The following VPS13B variants were observed in gnomAD, a reference collection of about 807,000 sequenced individuals.
VPS13B encodes the protein vacuolar protein sorting 13 homolog B.
VPS13B carries 285 observed loss-of-function variants against 426.4 expected under a neutral mutation model. The ratio of observed to expected loss-of-function variants is 0.67; its 90% CI spans 0.61 to 0.74. VPS13B has a LOEUF of 0.74. VPS13B is among the 30% of genes least tolerant of loss of function. The pLI, the probability that VPS13B is intolerant of heterozygous loss-of-function variation, is 0.00. For synonymous variants in VPS13B, 1,676 were observed against 1,676.4 expected, an observed-to-expected ratio of 1.00 and a Z score of 0.01; for missense variants, 4,537 against 4,782.6, an observed-to-expected ratio of 0.95 and a Z score of 1.51.
intron 17 of VPS13B, among the ~76,000 whole-genome samples, chr8:99,267,658 C>T (rs1299367018): frequency 2.0e-5 from 3 of 151,366 alleles, no homozygotes; most frequent in Non-Finnish European, 4.4e-5. Flanking sequence ...ACCAGGGGGT[C>T]TGAGGTTGCA....
rs1391933981 is a variant in VPS13B at position 99,275,342 on chromosome 8, T to A, written c.2824+88T>A. 7 of 1,309,048 alleles carry A rather than the reference T, an allele frequency of 5.3e-6. No individual in the cohort carries two copies. In the African/African-American group the frequency reaches 6.2e-5, roughly 12 times the overall value. The allele number at this position is 1,309,048 out of a possible 1,614,324, so 81.1% of individuals were successfully genotyped here. The stretch of plus-strand genomic sequence containing the variant: ...CTTTTAAAATTGGTATATATTTTTT[T>A]TTTTTTAGGTATTTTTGTCAATTGG... On this transcript the variant is annotated intron_variant, in intron 19 of 61. Coordinates refer to ENST00000357162, the MANE Select transcript of VPS13B (RefSeq NM_152564.5).
At chr8:99,021,895 G>A (rs1345753746) in intron 2 of VPS13B, among the ~76,000 whole-genome samples, 1 of 152,144 alleles carries the variant, frequency 6.6e-6, no homozygotes, top group Non-Finnish European at 1.5e-5. Context: ...TTACAGGCGT[G>A]AGCCCCTTAT....
intron 39 of VPS13B, 143 bp downstream of exon 39, chr8:99,721,190 A>G (rs566747084): frequency 1.8e-4 from 153 of 836,178 alleles, no homozygotes; most frequent in Admixed American, 1.8e-3. Context: ...GTGTGTGTGT[A>G]TCCACACACA....
intron 33 of VPS13B, among the ~76,000 whole-genome samples, chr8:99,619,970 G>A (rs1828281105): frequency 6.6e-6 from 1 of 151,590 alleles, no homozygotes; most frequent in Non-Finnish European, 1.5e-5. Flanking sequence ...AAATATAGCT[G>A]TTATTAATGG....
At position 99,848,892 on chromosome 8, in the gene VPS13B, C is replaced by G. The variant is rs1816116104; in HGVS notation, c.10059C>G (p.Asn3353Lys). The G allele has an allele frequency of 1.2e-6, 2 of 1,612,708 alleles. No individual in the cohort carries two copies. Residue 3353 changes from asparagine to lysine, a missense_variant and splice_region_variant, in exon 55 of 62, where the codon AAC becomes AAG. By Grantham distance (94) the Asn-to-Lys change is moderately conservative. Coordinates refer to ENST00000357162, the MANE Select transcript of VPS13B (RefSeq NM_152564.5). The stretch of plus-strand genomic sequence containing the variant: ...CAGGACCTATTTTAACCAATACCAA[C>G]AGGTAGGTTTAATTATTTTCCCAGT... ...GKAGPILTNTNRAPEKIVTFK... is the reference protein window; with the variant it reads ...GKAGPILTNTKRAPEKIVTFK...
chr8:99,598,401 T>C (rs1827121860), intron 33 of VPS13B, among the ~76,000 whole-genome samples: 1 of 152,052 alleles, frequency 6.6e-6, no homozygotes, highest in Admixed American at 6.6e-5. Flanking sequence ...TTATTGATTA[T>C]ATAGAAGGGC....
intron 17 of VPS13B, among the ~76,000 whole-genome samples, chr8:99,257,881 T>C (rs191277105): frequency 2.0e-5 from 3 of 152,032 alleles, no homozygotes; most frequent in Admixed American, 2.0e-4. Context: ...GGGTTTACTA[T>C]AATATGACTT....
At chr8:99,339,289 CACAGTAGG>C (rs1811105797) in intron 19 of VPS13B, among the ~76,000 whole-genome samples, 1 of 151,946 alleles carries the variant, frequency 6.6e-6, no homozygotes, top group East Asian at 1.9e-4. Flanking sequence ...TTGATTGGCT[CACAGTAGG>C]CTGTACAGGA....
intron 39 of VPS13B, among the ~76,000 whole-genome samples, chr8:99,736,278 AAAT>A (rs753573719): frequency 1.2e-4 from 19 of 152,156 alleles, no homozygotes; most frequent in Non-Finnish European, 2.4e-4. Context: ...TTAGAGGTAA[AAAT>A]AACAGTTTAG....
intron 54 of VPS13B, among the ~76,000 whole-genome samples, chr8:99,836,069 C>A (rs1815375930): frequency 6.6e-6 from 1 of 152,092 alleles, no homozygotes; most frequent in Admixed American, 6.5e-5. Context: ...TTAGTACAGT[C>A]ATAATACAAA....
At chr8:99,301,977 TTAAC>T (rs1026859533) in intron 19 of VPS13B, among the ~76,000 whole-genome samples, 12 of 152,130 alleles carry the variant, frequency 7.9e-5, no homozygotes, top group African/African-American at 2.9e-4. Context: ...ATTTCTTACT[TTAAC>T]TAATTTTTTT....
chr8:99,785,993 G>A (rs1812244179), intron 43 of VPS13B, among the ~76,000 whole-genome samples: 1 of 152,194 alleles, frequency 6.6e-6, no homozygotes. Context: ...CAAAGCAGAG[G>A]AAGCTTAACT....
chr8:99,832,647 T>A lies in VPS13B; in HGVS notation c.9609T>A (p.Cys3203Ter), dbSNP rs533207610. 1 of 1,613,574 alleles carries A rather than the reference T, an allele frequency of 6.2e-7. No individual in the cohort carries two copies. The highest frequency in any genetic ancestry group is 1.1e-5 in the South Asian group (1 of 91,056). The change falls in exon 52 of 62, where the codon TGT becomes TGA. Residue 3203 changes from cysteine (C) to a stop codon, truncating the protein, a stop_gained. Transcript: ENST00000357162. LOFTEE classifies it high-confidence loss of function. ...GGAATTTCCGGGAAAATGGATTCTGTACCAGGTATTTTATGTTTATATAAA... is the reference window on the plus strand; with the variant it reads ...GGAATTTCCGGGAAAATGGATTCTGAACCAGGTATTTTATGTTTATATAAA... Reference protein sequence around the residue: ...PLGNFRENGFCTRAIVLTYQE... With the variant: ...PLGNFRENGF
chr8:99,460,643 C>G (rs1465265524), intron 23 of VPS13B, among the ~76,000 whole-genome samples: 3 of 152,176 alleles, frequency 2.0e-5, no homozygotes. Context: ...ATTGAATAAT[C>G]TGAGTGCCTG....
chr8:99,120,977 G>T (rs1847903820), intron 7 of VPS13B, among the ~76,000 whole-genome samples, 200 bp from the exon 8 acceptor site: 1 of 152,126 alleles, frequency 6.6e-6, no homozygotes, highest in Admixed American at 6.5e-5. Context: ...CCTACTAAAG[G>T]AGAAAGATAC....
At chr8:99,229,241 G>T (rs1379917915) in intron 17 of VPS13B, among the ~76,000 whole-genome samples, 1 of 152,182 alleles carries the variant, frequency 6.6e-6, no homozygotes, top group African/African-American at 2.4e-5. Flanking sequence ...CTGGAACAAA[G>T]GTTGTTGGAA....
chr8:99,113,827 T>G (rs1317393727), intron 6 of VPS13B, among the ~76,000 whole-genome samples: 1 of 152,204 alleles, frequency 6.6e-6, no homozygotes, highest in Non-Finnish European at 1.5e-5. Flanking sequence ...CCTCCCAAAG[T>G]GCTGGGATTA....
chr8:99,462,452 G>A (rs1365910223), intron 23 of VPS13B, among the ~76,000 whole-genome samples: 1 of 151,802 alleles, frequency 6.6e-6, no homozygotes, highest in Non-Finnish European at 1.5e-5. Flanking sequence ...CATTCTTTCT[G>A]AACGTTCTTC....
intron 19 of VPS13B, among the ~76,000 whole-genome samples, chr8:99,349,332 CAA>C (rs35441676): frequency 2.1e-4 from 10 of 47,730 alleles, no homozygotes; most frequent in African/African-American, 8.2e-4. Context: ...GACTCCGTCT[CAA>C]AAAAAAAAAA....
Sources: allele counts gnomAD v4.1 joint callset (sites outside exome capture counted in the v4.1 genomes callset), GRCh38; gene constraint gnomAD v4.1.1; transcripts MANE v1.5; gene names NCBI Gene and HGNC (gene_info 2026-07-23, HGNC 2026-07-21).